Variants in ANXA7 observed in about 807,000 individuals in gnomAD.
The protein encoded by ANXA7 is annexin VII.
ANXA7 carries 55 observed loss-of-function variants against 64.9 expected under a neutral mutation model. That is an observed-to-expected ratio of 0.85 (90% CI 0.68 to 1.06). The LOEUF is 1.06. ANXA7 is among the 50% of genes least tolerant of loss of function. ANXA7 has a pLI of 0.00. For synonymous variants in ANXA7, 200 were observed against 192.4 expected (o/e 1.04, Z -0.33); for missense variants, 548 against 582.1 (o/e 0.94, Z 0.60).
At chr10:73,410,512 G>C (rs992718780) in intron 1 of ANXA7, among the ~76,000 whole-genome samples, 1 of 152,082 alleles carries the variant, frequency 6.6e-6, no homozygotes, top group East Asian at 1.9e-4. Context: ...GGCCGGGCGC[G>C]GTAGCCCCCA....
rs775334832 is a variant in ANXA7 at position 73,387,765 on chromosome 10, A to G, written c.557T>C (p.Ile186Thr). The change falls in exon 7 of 13, where the codon ATT becomes ACT. Residue 186 changes from isoleucine to threonine, a missense_variant. By Grantham distance (89) the Ile-to-Thr change is moderately conservative (BLOSUM62 -1). Transcript: ENST00000372921. ...MKGFGTDEQA[I>T]VDVVANRSND... ...GGAACGGTTGGCCACCACATCCACAATTGCCTGCTCATCTGTCCCTGGAAG... is the reference window on the plus strand; with the variant it reads ...GGAACGGTTGGCCACCACATCCACAGTTGCCTGCTCATCTGTCCCTGGAAG... The G allele has an allele frequency of 6.8e-6, 11 of 1,612,364 alleles. No individual in the cohort carries two copies. The South Asian group carries it at 1.1e-4, about 16-fold the overall frequency.
At chr10:73,379,752 AG>A (rs1333441306) in intron 11 of ANXA7, 126 bp downstream of exon 11, 1 of 906,860 alleles carries the variant, frequency 1.1e-6, no homozygotes, top group African/African-American at 1.7e-5. Flanking sequence ...CAAACCCCAA[AG>A]GATTAGATCA....
rs1473755249 is a variant in ANXA7 at position 73,375,563 on chromosome 10, G to A, written c.*532C>T. ...TGACCCTTTCTTAAAAGGTGCCACAGGTAATACTAATCTATTTTCTATGTG... is the reference window on the plus strand; with the variant it reads ...TGACCCTTTCTTAAAAGGTGCCACAAGTAATACTAATCTATTTTCTATGTG... On this transcript the variant is annotated 3_prime_UTR_variant, in exon 13 of 13. Transcript: ENST00000372921. 1 of 152,164 alleles carries A rather than the reference G, an allele frequency of 6.6e-6. No homozygotes were observed. Among genetic ancestry groups the A allele is most frequent in the Non-Finnish European group, 1.5e-5 (1 of 68,034 alleles). The allele number at this position is 152,164 out of a possible 1,614,324, so 9.4% of individuals were successfully genotyped here.
intron 1 of ANXA7, among the ~76,000 whole-genome samples, chr10:73,409,014 C>T (rs960177692): frequency 6.6e-6 from 1 of 152,078 alleles, no homozygotes. Context: ...ATAGAAAGGA[C>T]CTAACTCAAA....
At position 73,380,107 on chromosome 10, in the gene ANXA7, T is replaced by C. The variant is rs147027911; in HGVS notation, c.1013A>G (p.Asp338Gly). ...YQAGEGRLGT[D>G]ESCFNMILAT... ...AAGGATCATGTTAAAGCAAGATTCA[T>C]CGGTCCCTAGTCTCCCCTCACCAGC... The change falls in exon 10 of 13, where the codon GAT (aspartate) becomes GGT (glycine). Residue 338 changes from aspartate (D) to glycine (G), a missense_variant. Physicochemically the swap from Asp to Gly is moderately conservative, Grantham distance 94. Coordinates refer to ENST00000372921, the MANE Select transcript of ANXA7 (RefSeq NM_001156.5). 3.7e-6 allele frequency: 6 copies of C among 1,614,070 alleles called. No homozygotes were observed. The African/African-American group carries it at 6.7e-5, about 18-fold the overall frequency.
At chr10:73,408,606 G>A (rs1427551357) in intron 1 of ANXA7, among the ~76,000 whole-genome samples, 1 of 151,964 alleles carries the variant, frequency 6.6e-6, no homozygotes, top group African/African-American at 2.4e-5. Context: ...ATGAAAATAA[G>A]GCAAAGATTA....
chr10:73,388,714 T>A (rs772565471), intron 5 of ANXA7, among the ~76,000 whole-genome samples: 1 of 152,068 alleles, frequency 6.6e-6, no homozygotes, highest in Non-Finnish European at 1.5e-5. Context: ...TTTGGTAGAA[T>A]AGGAAGAAAA....
intron 12 of ANXA7, among the ~76,000 whole-genome samples, chr10:73,378,519 T>G (rs926680515): frequency 5.3e-5 from 8 of 152,176 alleles, no homozygotes; most frequent in African/African-American, 1.7e-4. Context: ...AAAAATTGTT[T>G]TATTATTAAT....
At chr10:73,394,425 A>G (rs912436455) in intron 5 of ANXA7, among the ~76,000 whole-genome samples, 31 of 152,308 alleles carry the variant, frequency 2.0e-4, no homozygotes, top group African/African-American at 6.5e-4. Context: ...TGTTTATTGC[A>G]GCACTATTCA....
intron 1 of ANXA7, among the ~76,000 whole-genome samples, chr10:73,409,451 A>T (rs926915030): frequency 3.3e-5 from 5 of 152,204 alleles, no homozygotes; most frequent in African/African-American, 1.2e-4. Context: ...ATACCTAGGA[A>T]TATGCTTCAC....
chr10:73,378,156 C>G (rs1005268850), intron 12 of ANXA7, among the ~76,000 whole-genome samples: 9 of 151,650 alleles, frequency 5.9e-5, no homozygotes, highest in African/African-American at 2.2e-4. Context: ...AGGTGGATCA[C>G]TTGAGGTCAG....
Position 73,377,826 on chromosome 10 carries a change from C to CGTGTGT in ANXA7, c.1278+1079_1278+1084dup, listed in dbSNP as rs58404250. ...TATTTTTTGTATAAATAGGTTTCAC[C>CGTGTGT]GTGTGTGTGTGTGTGTGTGTGTGTG... On this transcript the variant is annotated intron_variant, in intron 12 of 12. Coordinates refer to ENST00000372921, the MANE Select transcript of ANXA7 (RefSeq NM_001156.5). Among the ~76,000 whole-genome samples the CGTGTGT allele has an allele frequency of 4.1e-3, 499 of 122,564 alleles. 9 individuals carry two copies. The highest frequency in any genetic ancestry group is 0.015 in the South Asian group (50 of 3,398). The allele number at this position is 122,564 out of a possible 152,430, so 80.4% of individuals were successfully genotyped here.
rs953295833 is a variant in ANXA7 at position 73,378,785 on chromosome 10, C to A, written c.1278+126G>T. 1.6e-5 allele frequency: 11 copies of A among 706,996 alleles called. No homozygotes were observed. The African/African-American group carries it at 1.6e-4, about 10-fold the overall frequency. 43.8% of individuals were successfully genotyped at this position (706,996 alleles called of 1,614,324 possible). ...GAATTTTCTGTTCTTTATACCACCTCTTTTAGGTGGCAAAGAGAGCTCTTT... is the reference window on the plus strand; with the variant it reads ...GAATTTTCTGTTCTTTATACCACCTATTTTAGGTGGCAAAGAGAGCTCTTT... On this transcript the variant is annotated intron_variant, in intron 12 of 12. Coordinates refer to ENST00000372921, the MANE Select transcript of ANXA7 (RefSeq NM_001156.5).
Position 73,404,108 on chromosome 10 carries a change from T to G in ANXA7, c.-1-3251A>C, listed in dbSNP as rs967986888. ...ATTATAACACTTTCAGTACATTTAC[T>G]TTCTCAATTTTATTAGACTTAGAAT... On this transcript the variant is annotated intron_variant, in intron 1 of 12. Coordinates refer to ENST00000372921, the MANE Select transcript of ANXA7 (RefSeq NM_001156.5). Among the ~76,000 whole-genome samples the G allele has an allele frequency of 7.2e-5, 11 of 152,222 alleles. 1 individual carries two copies. The East Asian group carries it at 1.7e-3, about 24-fold the overall frequency.
At chr10:73,408,536 T>C (rs2055793062) in intron 1 of ANXA7, 1 of 152,172 alleles carries the variant, frequency 6.6e-6, no homozygotes, top group Non-Finnish European at 1.5e-5. Flanking sequence ...TATATCTAAA[T>C]TCTTTAGCTA....
chr10:73,383,178 G>A lies in ANXA7; in HGVS notation c.915C>T (p.Cys305=). 2 of 1,611,658 alleles carry A rather than the reference G, an allele frequency of 1.2e-6. No homozygotes were observed. Among genetic ancestry groups the A allele is most frequent in the Non-Finnish European group, 1.7e-6 (2 of 1,178,500 alleles). ...GHFERLLVSM[C]QGNRDENQSI... is the part of the protein sequence containing the mutation. ...CAAGCATTCATACTATACTCACCTGGCACATGGACACAAGTAAACGTTCAA... is the reference window on the plus strand; with the variant it reads ...CAAGCATTCATACTATACTCACCTGACACATGGACACAAGTAAACGTTCAA... Residue 305 remains cysteine (C), a synonymous_variant, in exon 9 of 13, where the codon TGC becomes TGT. Transcript: ENST00000372921.
At chr10:73,405,140 G>A (rs893587778) in intron 1 of ANXA7, among the ~76,000 whole-genome samples, 1 of 151,940 alleles carries the variant, frequency 6.6e-6, no homozygotes, top group African/African-American at 2.4e-5. Flanking sequence ...CTACTTGGAA[G>A]GCTGAGGCAG....
rs3750575 is a variant in ANXA7, at chr10:73,378,933, C to T, written c.1256G>A (p.Arg419Gln). The T allele has an allele frequency of 1.6e-3, 2,562 of 1,613,288 alleles. 67 individuals are homozygous for T. In the East Asian group the frequency reaches 0.051, roughly 32 times the overall value. Residue 419 changes from arginine (R) to glutamine (Q), a missense_variant, in exon 12 of 13, where the codon CGG becomes CAG. Physicochemically the swap from Arg to Gln is conservative, Grantham distance 43 (BLOSUM62 1). Coordinates refer to ENST00000372921, the MANE Select transcript of ANXA7 (RefSeq NM_001156.5). ...CACCTCACTTCGAGTGACCACAATC[C>T]GGACCAGGGTGGAGTCATCTGTGCC... The part of the protein sequence containing the change: ...GAGTDDSTLV[R>Q]IVVTRSEIDL...
rs561870236 is a variant in ANXA7, at chr10:73,384,990, T to C, written c.634-1300A>G. Among the ~76,000 whole-genome samples the C allele has an allele frequency of 5.3e-5, 8 of 152,060 alleles. No individual in the cohort carries two copies. The South Asian group carries it at 6.2e-4, about 12-fold the overall frequency. On this transcript the variant is annotated intron_variant, in intron 7 of 12. Coordinates refer to ENST00000372921, the MANE Select transcript of ANXA7 (RefSeq NM_001156.5). ...AGCTTTAAAAAAAAAAAGAAAAACA[T>C]TGATGTCCAGGACTAAGACTCAGAG...
Sources: allele counts gnomAD v4.1 joint callset (sites outside exome capture counted in the v4.1 genomes callset), GRCh38; gene constraint gnomAD v4.1.1; transcripts MANE v1.5; gene names NCBI Gene and HGNC (gene_info 2026-07-23, HGNC 2026-07-21).